Variants in YY1AP1 observed in about 807,000 individuals in gnomAD.
YY1AP1 encodes YY1-associated protein 1.
YY1AP1 carries 43 observed loss-of-function variants against 39.9 expected under a neutral mutation model. The observed-to-expected ratio is 1.08, with a 90% CI of 0.84 to 1.39. The LOEUF (loss-of-function observed/expected upper bound fraction) is 1.39, where lower values mean the gene tolerates loss of function less well. Among genes scored for constraint, YY1AP1 ranks in the 40% most tolerant of loss-of-function variants. YY1AP1 has a pLI of 0.00. For missense variants in YY1AP1, 813 were observed against 900.7 expected (o/e 0.90, Z 1.25); for synonymous variants, 292 against 331.3 (o/e 0.88, Z 1.29).
At position 155,660,510 on chromosome 1, in the gene YY1AP1, G is replaced by A. The variant is rs764936668; in HGVS notation, c.1400C>T (p.Pro467Leu). ...ATVLQTVPGV[P>L]PLGVSGGESF... ...CTCACCTCCACTGACCCCCAGTGGAGGGACACCTGGAACTGTCTGTAAAAC... is the reference window on the plus strand; with the variant it reads ...CTCACCTCCACTGACCCCCAGTGGAAGGACACCTGGAACTGTCTGTAAAAC... The change falls in exon 11 of 11, where the codon CCT (proline) becomes CTT (leucine). Residue 467 changes from proline (P) to leucine (L), a missense_variant. By Grantham distance (98) the Pro-to-Leu change is moderately conservative (BLOSUM62 -3). Coordinates refer to ENST00000355499, the MANE Select transcript of YY1AP1 (RefSeq NM_139119.3). The A allele has an allele frequency of 1.2e-6, 2 of 1,614,168 alleles. No homozygotes were observed. Among genetic ancestry groups the A allele is most frequent in the Non-Finnish European group, 1.7e-6 (2 of 1,180,040 alleles).
intron 8 of YY1AP1, among the ~76,000 whole-genome samples, chr1:155,669,971 G>A (rs1649602107): frequency 6.6e-6 from 1 of 152,168 alleles, no homozygotes; most frequent in South Asian, 2.1e-4. Context: ...GCTGCAGTGA[G>A]CTGTGATTGC....
At chr1:155,678,172 A>C (rs1650997689) in intron 4 of YY1AP1, among the ~76,000 whole-genome samples, 1 of 152,242 alleles carries the variant, frequency 6.6e-6, no homozygotes, top group Non-Finnish European at 1.5e-5. Context: ...TACAGTATTC[A>C]GTACAGTACA....
chr1:155,685,493 C>A (rs557059371), intron 2 of YY1AP1, among the ~76,000 whole-genome samples: 2 of 152,292 alleles, frequency 1.3e-5, no homozygotes, highest in African/African-American at 4.8e-5. Context: ...AGACGCTTCT[C>A]AGAGTTTGAG....
At position 155,660,298 on chromosome 1, in the gene YY1AP1, C is replaced by A; in HGVS notation, c.1612G>T (p.Ala538Ser). The A allele has an allele frequency of 6.2e-7, 1 of 1,614,130 alleles. No homozygotes were observed. Reference sequence around the variant, plus strand: ...GGGGCAGGTTTGATACAGCGAAAGGCCCTGGCTCCCCTTCTTTTTGAGGGT... The same window carrying A: ...GGGGCAGGTTTGATACAGCGAAAGGACCTGGCTCCCCTTCTTTTTGAGGGT... The part of the protein sequence containing the change: ...RRPSKRRGAR[A>S]FRCIKPAPVI... Residue 538 changes from alanine to serine, a missense_variant, in exon 11 of 11, where the codon GCC becomes TCC. By Grantham distance (99) the Ala-to-Ser change is moderately conservative (BLOSUM62 1). This residue lies in a region of YY1AP1 where 586 missense variants were observed against 647.4 expected (regional missense o/e 0.91). Coordinates refer to ENST00000355499, the MANE Select transcript of YY1AP1 (RefSeq NM_139119.3).
At chr1:155,683,638 A>T (rs1651819144) in intron 2 of YY1AP1, among the ~76,000 whole-genome samples, 1 of 152,156 alleles carries the variant, frequency 6.6e-6, no homozygotes, top group African/African-American at 2.4e-5. Context: ...ACTGGGCTAC[A>T]GAGCAAGACT....
intron 4 of YY1AP1, among the ~76,000 whole-genome samples, chr1:155,677,444 T>C (rs999897505): frequency 1.3e-5 from 2 of 152,156 alleles, no homozygotes; most frequent in Non-Finnish European, 2.9e-5. Context: ...TTACTATACC[T>C]TTTCTATGTT....
chr1:155,679,697 C>T, intron 3 of YY1AP1, 185 bp from the exon 4 acceptor site: 1 of 985,312 alleles, frequency 1.0e-6, no homozygotes, highest in Non-Finnish European at 1.2e-6. Flanking sequence ...GACTATTATG[C>T]CAGGAAAGAA....
chr1:155,679,528 A>G lies in YY1AP1; in HGVS notation c.22-16T>C, dbSNP rs555277100. ...CATCTTGGAACTGTGGGCAAAGGAA[A>G]GGGAGGGTTTTCCTGGGGAATGGGC... is the stretch of plus-strand genomic sequence containing the variant. On this transcript the variant is annotated splice_polypyrimidine_tract_variant and intron_variant, in intron 3 of 10. Coordinates refer to ENST00000355499, the MANE Select transcript of YY1AP1 (RefSeq NM_139119.3). 2.5e-6 allele frequency: 4 copies of G among 1,614,094 alleles called. No homozygotes were observed. The South Asian group carries it at 4.4e-5, about 18-fold the overall frequency.
At chr1:155,668,895 A>G (rs1649449562) in intron 8 of YY1AP1, 118 bp from the exon 9 acceptor site, 1 of 1,473,950 alleles carries the variant, frequency 6.8e-7, no homozygotes, top group Non-Finnish European at 9.3e-7. Flanking sequence ...ACAAGGTCTC[A>G]CTCTGTCACC....
chr1:155,682,826 C>T (rs1258347265), intron 2 of YY1AP1, among the ~76,000 whole-genome samples: 2 of 152,016 alleles, frequency 1.3e-5, no homozygotes, highest in Admixed American at 1.3e-4. Context: ...TGGCTCCTGC[C>T]TGTAATCCTA....
chr1:155,688,938 G>A (rs375716262), upstream of YY1AP1: 211 of 1,612,708 alleles, frequency 1.3e-4, no homozygotes, highest in Non-Finnish European at 1.6e-4. Context: ...ACCTCCCTGG[G>A]TTCGTCGCCG....
chr1:155,669,349 T>A (rs1649516006), intron 8 of YY1AP1, among the ~76,000 whole-genome samples: 1 of 152,202 alleles, frequency 6.6e-6, no homozygotes, highest in Non-Finnish European at 1.5e-5. Flanking sequence ...ATCTACTTTT[T>A]CTACAACTAA....
chr1:155,677,549 T>A (rs1281792653), intron 4 of YY1AP1, among the ~76,000 whole-genome samples: 1 of 152,228 alleles, frequency 6.6e-6, no homozygotes. Flanking sequence ...GAAGTAGCTA[T>A]AACAAGCAGG....
chr1:155,680,278 T>G, intron 3 of YY1AP1, 138 bp downstream of exon 3: 1 of 915,646 alleles, frequency 1.1e-6, no homozygotes, highest in Non-Finnish European at 1.6e-6. Flanking sequence ...CTTTTGTCAT[T>G]ATATTCTTTC....
In YY1AP1 at chr1:155,660,165, G is replaced by A. The variant is rs936331319; in HGVS notation, c.1745C>T (p.Ala582Val). Residue 582 changes from alanine to valine, a missense_variant, in exon 11 of 11, where the codon GCC becomes GTC. By Grantham distance (64) the Ala-to-Val change is moderately conservative (BLOSUM62 0). This residue lies in a region of YY1AP1 where 586 missense variants were observed against 647.4 expected (regional missense o/e 0.91). Coordinates refer to ENST00000355499, the MANE Select transcript of YY1AP1 (RefSeq NM_139119.3). Reference sequence around the variant, plus strand: ...GATGGGAATAGTCTGGGGACTCTGGGCCACAGCCGCATTGACAGGCTGGAT... The same window carrying A: ...GATGGGAATAGTCTGGGGACTCTGGACCACAGCCGCATTGACAGGCTGGAT... ...NMIQPVNAAV[A>V]QSPQTIPIAT... 6.2e-6 allele frequency: 10 copies of A among 1,614,074 alleles called. No individual in the cohort carries two copies. The South Asian group carries it at 1.1e-4, about 18-fold the overall frequency.
Position 155,676,545 on chromosome 1 carries a change from T to C in YY1AP1, c.324+3A>G, listed in dbSNP as rs1044914417. Reference sequence around the variant, plus strand: ...ATATTAATATGACCAAGGAAAGTGTTACCTGCTGCATCTGCTGCTGGAGTC... The same window carrying C: ...ATATTAATATGACCAAGGAAAGTGTCACCTGCTGCATCTGCTGCTGGAGTC... On this transcript the variant is annotated splice_donor_region_variant and intron_variant, in intron 5 of 10. Coordinates refer to ENST00000355499, the MANE Select transcript of YY1AP1 (RefSeq NM_139119.3). 1.9e-6 allele frequency: 3 copies of C among 1,614,100 alleles called. No homozygotes were observed. Among genetic ancestry groups the C allele is most frequent in the Non-Finnish European group, 2.5e-6 (3 of 1,179,950 alleles).
chr1:155,660,397 A>G lies in YY1AP1; in HGVS notation c.1513T>C (p.Ser505Pro). 2 of 1,614,178 alleles carry G rather than the reference A, an allele frequency of 1.2e-6. No homozygotes were observed. The highest frequency in any genetic ancestry group is 1.7e-5 in the Admixed American group (1 of 60,020). The change falls in exon 11 of 11, where the codon TCT (serine) becomes CCT (proline). Residue 505 changes from serine to proline, a missense_variant. Coordinates refer to ENST00000355499, the MANE Select transcript of YY1AP1 (RefSeq NM_139119.3). ...ATCATTACCTTGGGCACAGGGGCAG[A>G]AGAGAGCAAAGTCTGGGACTCAGAC... ...PLSESQTLLS[S>P]APVPKVMMPS...
At chr1:155,671,618 C>T (rs983302137) in intron 7 of YY1AP1, among the ~76,000 whole-genome samples, 3 of 152,126 alleles carry the variant, frequency 2.0e-5, no homozygotes, top group African/African-American at 7.2e-5. Context: ...CTGTCTCCCT[C>T]TCTCAGCCTC....
At chr1:155,675,397 G>A (rs1243499339) in intron 5 of YY1AP1, among the ~76,000 whole-genome samples, 7 of 151,738 alleles carry the variant, frequency 4.6e-5, no homozygotes, top group African/African-American at 1.2e-4. Flanking sequence ...GCGTGATCTC[G>A]GCTCACTGTA....
Sources: allele counts gnomAD v4.1 joint callset (sites outside exome capture counted in the v4.1 genomes callset), GRCh38; gene constraint gnomAD v4.1.1; regional missense constraint gnomAD v4.1.1; transcripts MANE v1.5; gene names NCBI Gene and HGNC (gene_info 2026-07-23, HGNC 2026-07-21).